The following KIT variants were observed in gnomAD, a reference collection of about 807,000 sequenced individuals.
KIT encodes the protein mast/stem cell growth factor receptor Kit.
Under a neutral mutation model 105.7 loss-of-function variants are expected in KIT, and 16 were observed. The observed-to-expected ratio is 0.15, with a 90% CI of 0.10 to 0.23. The LOEUF is 0.23. KIT is among the 10% of genes least tolerant of loss of function. The probability of loss-of-function intolerance (pLI) is 1.00; values close to 1 mark genes in which losing one functional copy is unlikely to be tolerated. For synonymous variants in KIT, 438 were observed against 441.1 expected (o/e 0.99, Z 0.09); for missense variants, 858 against 1,213.8 (o/e 0.71, Z 4.36).
intron 1 of KIT, among the ~76,000 whole-genome samples, chr4:54,669,524 T>A (rs1717956887): frequency 6.6e-6 from 1 of 152,218 alleles, no homozygotes; most frequent in African/African-American, 2.4e-5. Context: ...TTTTGATCCC[T>A]TCTGTATCTT....
chr4:54,737,414 G>C (rs1280680245), intron 20 of KIT, 134 bp downstream of exon 20: 3 of 719,788 alleles, frequency 4.2e-6, no homozygotes, highest in African/African-American at 3.5e-5. Context: ...TTGGGCTTCA[G>C]GTAGGGGAAG....
In KIT at chr4:54,706,247, T is replaced by C. The variant is rs1314316651; in HGVS notation, c.926-851T>C. On this transcript the variant is annotated intron_variant, in intron 5 of 20. Transcript: ENST00000288135. The stretch of plus-strand genomic sequence containing the variant: ...TAATTTAAAAAAAAATCTATATTGC[T>C]AAATGCTTCCTAAAAGAATTGTGCC... Among the ~76,000 whole-genome samples, 9 of 152,264 alleles carry C rather than the reference T, an allele frequency of 5.9e-5. No individual in the cohort carries two copies. In the East Asian group the frequency reaches 1.7e-3, roughly 29 times the overall value.
At chr4:54,694,507 G>A (rs1257201595) in intron 1 of KIT, among the ~76,000 whole-genome samples, 3 of 152,012 alleles carry the variant, frequency 2.0e-5, no homozygotes, top group Non-Finnish European at 4.4e-5. Context: ...GGGAAAACAG[G>A]TTCCCACTAC....
At chr4:54,691,310 G>T (rs772584690) in intron 1 of KIT, among the ~76,000 whole-genome samples, 1 of 152,210 alleles carries the variant, frequency 6.6e-6, no homozygotes, top group East Asian at 1.9e-4. Flanking sequence ...TGGAGTGGAT[G>T]TAGGAGATAT....
intron 7 of KIT, among the ~76,000 whole-genome samples, chr4:54,719,176 G>A (rs1296532658): frequency 1.3e-5 from 2 of 152,184 alleles, no homozygotes; most frequent in Non-Finnish European, 2.9e-5. Context: ...ATGGGCAAAT[G>A]TGCATTTATA....
At chr4:54,696,626 C>T (rs1720086740) in intron 2 of KIT, among the ~76,000 whole-genome samples, 1 of 152,218 alleles carries the variant, frequency 6.6e-6, no homozygotes, top group South Asian at 2.1e-4. Flanking sequence ...TTAGGTACCT[C>T]CTGAGTTCAG....
intron 1 of KIT, among the ~76,000 whole-genome samples, chr4:54,658,970 T>C (rs902889056): frequency 1.3e-5 from 2 of 152,186 alleles, no homozygotes; most frequent in African/African-American, 4.8e-5. Context: ...GCTGGGACTC[T>C]GCGTTCCCTG....
At position 54,694,361 on chromosome 4, in the gene KIT, G is replaced by GT; in HGVS notation, c.68-1146dup. On this transcript the variant is annotated intron_variant, in intron 1 of 20. Coordinates refer to ENST00000288135, the MANE Select transcript of KIT (RefSeq NM_000222.3). Reference sequence around the variant, plus strand: ...TTTTACTTCAGTACTTTGTTCTATTGTTTTTAGAGAGACAGAGTCTTACTC... The same window carrying GT: ...TTTTACTTCAGTACTTTGTTCTATTGTTTTTTAGAGAGACAGAGTCTTACTC... 2.0e-5 allele frequency among the ~76,000 whole-genome samples: 3 copies of GT among 152,112 alleles called. No homozygotes were observed. In the South Asian group the frequency reaches 6.2e-4, roughly 32 times the overall value.
chr4:54,732,045 A>ATTTTTTTTTTTTTTTTTTTGTTTT, intron 16 of KIT, 47 bp downstream of exon 16: 1 of 887,880 alleles, frequency 1.1e-6, no homozygotes, highest in Non-Finnish European at 1.6e-6. Context: ...TGTTTTTTTG[A>ATTTTTTTTTTTTTTTTTTTGTTTT]TTTTTTTTTT....
At chr4:54,724,272 A>C (rs894999444) in intron 8 of KIT, among the ~76,000 whole-genome samples, 2 of 152,200 alleles carry the variant, frequency 1.3e-5, no homozygotes, top group African/African-American at 4.8e-5. Flanking sequence ...CTGAAGACGA[A>C]AATGGGGTCA....
chr4:54,725,176 C>G (rs1402256917), intron 8 of KIT, among the ~76,000 whole-genome samples: 2 of 152,148 alleles, frequency 1.3e-5, no homozygotes, highest in Non-Finnish European at 2.9e-5. Flanking sequence ...GTGATCTTGG[C>G]TCACTGCAAC....
chr4:54,691,185 A>G (rs1488255836), intron 1 of KIT, among the ~76,000 whole-genome samples: 2 of 152,202 alleles, frequency 1.3e-5, no homozygotes, highest in Admixed American at 1.3e-4. Context: ...CTGGGTGTTT[A>G]GGAGCCTGTC....
chr4:54,709,956 G>A (rs936290933), intron 7 of KIT, among the ~76,000 whole-genome samples: 1 of 152,178 alleles, frequency 6.6e-6, no homozygotes, highest in African/African-American at 2.4e-5. Context: ...TCTCTTTTGA[G>A]GCTGTGATGT....
At chr4:54,658,760 T>C (rs1453031986) in intron 1 of KIT, among the ~76,000 whole-genome samples, 1 of 152,054 alleles carries the variant, frequency 6.6e-6, no homozygotes, top group Non-Finnish European at 1.5e-5. Flanking sequence ...GGGGCCGGAC[T>C]CCCGCGAGCC....
At chr4:54,692,076 A>T (rs1286732820) in intron 1 of KIT, among the ~76,000 whole-genome samples, 1 of 152,212 alleles carries the variant, frequency 6.6e-6, no homozygotes, top group Non-Finnish European at 1.5e-5. Flanking sequence ...AGAGCTTTAC[A>T]TAACAGCCTT....
At chr4:54,677,670 C>T (rs1718578601) in intron 1 of KIT, among the ~76,000 whole-genome samples, 1 of 152,160 alleles carries the variant, frequency 6.6e-6, no homozygotes, top group African/African-American at 2.4e-5. Flanking sequence ...AGAAGATACG[C>T]ACTCCTTTGC....
rs145333060 is a variant in KIT, at chr4:54,695,747, C to G, written c.303C>G (p.His101Gln). ...NTGKYTCTNK[H>Q]GLSNSIYVFV... ...GCAAATACACGTGCACCAACAAACA[C>G]GGCTTAAGCAATTCCATTTATGTGT... Residue 101 changes from histidine to glutamine, a missense_variant, in exon 2 of 21, where the codon CAC becomes CAG. By Grantham distance (24) the His-to-Gln change is conservative (BLOSUM62 0). Coordinates refer to ENST00000288135, the MANE Select transcript of KIT (RefSeq NM_000222.3). 1.2e-6 allele frequency: 2 copies of G among 1,614,214 alleles called. No homozygotes were observed. Among genetic ancestry groups the G allele is most frequent in the Non-Finnish European group, 1.7e-6 (2 of 1,180,032 alleles).
intron 17 of KIT, among the ~76,000 whole-genome samples, chr4:54,735,823 A>AT (rs1252625867): frequency 6.6e-6 from 1 of 152,086 alleles, no homozygotes; most frequent in Admixed American, 6.5e-5. Flanking sequence ...TTATACCAGG[A>AT]TTGGTATAAA....
At chr4:54,681,010 G>T (rs1366053217) in intron 1 of KIT, among the ~76,000 whole-genome samples, 4 of 152,128 alleles carry the variant, frequency 2.6e-5, no homozygotes, top group African/African-American at 9.7e-5. Context: ...TCTTGGGGGG[G>T]TGAAGTCTTT....
Sources: gnomAD v4.1 joint callset for allele counts (sites outside exome capture counted in the v4.1 genomes callset) on GRCh38, gnomAD v4.1.1 for gene constraint, MANE v1.5 for transcripts, NCBI Gene and HGNC (gene_info 2026-07-23, HGNC 2026-07-21) for gene names.